Variants in SPOCK3 observed in about 807,000 individuals in gnomAD.
The protein encoded by SPOCK3 is testican-3.
Under a neutral mutation model 56.6 loss-of-function variants are expected in SPOCK3, and 30 were observed. That is an observed-to-expected ratio of 0.53 (90% CI 0.40 to 0.72). SPOCK3 has a LOEUF of 0.72. Ranked by LOEUF, SPOCK3 falls within the 30% of genes least tolerant of loss-of-function variation. The pLI, the probability that SPOCK3 is intolerant of heterozygous loss-of-function variation, is 0.00. For missense variants in SPOCK3, 527 were observed against 530.0 expected (o/e 0.99, Z 0.06); for synonymous variants, 196 against 183.3 (o/e 1.07, Z -0.56).
chr4:166,892,282 G>T (rs1490293494), intron 5 of SPOCK3, among the ~76,000 whole-genome samples: 1 of 151,764 alleles, frequency 6.6e-6, no homozygotes, highest in Non-Finnish European at 1.5e-5. Flanking sequence ...CTTTGCAAAA[G>T]TTACTTTATA....
At chr4:166,912,558 T>A in intron 5 of SPOCK3, 62 bp downstream of exon 5, 1 of 1,482,484 alleles carries the variant, frequency 6.7e-7, no homozygotes, top group Admixed American at 1.7e-5. Flanking sequence ...GCAATGGTTT[T>A]AATCATTTAC....
At chr4:166,930,488 TAAA>T (rs35331837) in intron 4 of SPOCK3, among the ~76,000 whole-genome samples, 3,521 of 148,578 alleles carry the variant, frequency 0.024, 130 homozygotes, top group African/African-American at 0.082. Flanking sequence ...CTACCCTTGT[TAAA>T]AAAAAAAAGA....
chr4:167,208,875 T>TAAA (rs1298204975), intron 2 of SPOCK3, among the ~76,000 whole-genome samples: 7 of 152,252 alleles, frequency 4.6e-5, no homozygotes, highest in African/African-American at 1.7e-4. Context: ...AAGGAAAACA[T>TAAA]TAAAATCCTG....
At chr4:167,020,504 G>C (rs1463088808) in intron 3 of SPOCK3, among the ~76,000 whole-genome samples, 1 of 151,970 alleles carries the variant, frequency 6.6e-6, no homozygotes, top group Non-Finnish European at 1.5e-5. Flanking sequence ...AATGAACTAA[G>C]GCTCTTATGT....
chr4:166,779,375 T>A (rs976291582), intron 7 of SPOCK3, among the ~76,000 whole-genome samples: 1 of 152,096 alleles, frequency 6.6e-6, no homozygotes, highest in East Asian at 1.9e-4. Context: ...CAACTAAGAT[T>A]GTTAAATTCA....
intron 6 of SPOCK3, among the ~76,000 whole-genome samples, chr4:166,808,040 G>T (rs912700295): frequency 1.3e-5 from 2 of 152,088 alleles, no homozygotes; most frequent in South Asian, 4.1e-4. Context: ...TTCCAGAGTA[G>T]ATTTTACCTT....
At position 167,122,027 on chromosome 4, in the gene SPOCK3, C is replaced by T. The variant is rs565514071; in HGVS notation, c.190-59490G>A. On this transcript the variant is annotated intron_variant, in intron 2 of 10. Coordinates refer to ENST00000357545, the MANE Select transcript of SPOCK3 (RefSeq NM_001040159.2). ...TCAAGTTTTTCATTAATAACCTTCC[C>T]TCCCTGCCTCCCTCCCTTCCTTCCT... is the stretch of plus-strand genomic sequence containing the variant. Among the ~76,000 whole-genome samples, 10 of 151,974 alleles carry T rather than the reference C, an allele frequency of 6.6e-5. No homozygotes were observed. The East Asian group carries it at 1.9e-3, about 29-fold the overall frequency.
intron 6 of SPOCK3, among the ~76,000 whole-genome samples, chr4:166,878,512 A>G (rs1421507667): frequency 1.3e-5 from 2 of 150,802 alleles, no homozygotes; most frequent in East Asian, 2.0e-4. Flanking sequence ...TATATTTTAA[A>G]TGTATAAAAT....
At chr4:166,995,528 G>T (rs1392137331) in intron 4 of SPOCK3, among the ~76,000 whole-genome samples, 1 of 148,490 alleles carries the variant, frequency 6.7e-6, no homozygotes, top group Non-Finnish European at 1.5e-5. Context: ...AACAAGATAG[G>T]CATGATTTCA....
intron 2 of SPOCK3, among the ~76,000 whole-genome samples, chr4:167,065,778 C>T (rs1308999546): frequency 2.6e-5 from 4 of 151,846 alleles, no homozygotes; most frequent in African/African-American, 4.8e-5. Context: ...TTCATTCAGG[C>T]GCAATTTCTT....
chr4:166,848,953 C>T (rs1178915123), intron 6 of SPOCK3, among the ~76,000 whole-genome samples: 1 of 152,160 alleles, frequency 6.6e-6, no homozygotes, highest in Non-Finnish European at 1.5e-5. Flanking sequence ...TTACCAACAC[C>T]ATGGGCATCA....
chr4:166,996,148 A>T (rs919362656), intron 4 of SPOCK3, among the ~76,000 whole-genome samples: 2 of 152,108 alleles, frequency 1.3e-5, no homozygotes, highest in African/African-American at 4.8e-5. Flanking sequence ...ATCATTTTCT[A>T]TATAATGCCT....
At chr4:167,234,504 C>G (rs1737531929), upstream of SPOCK3, 1 of 342,116 alleles carries the variant, frequency 2.9e-6, no homozygotes, top group Non-Finnish European at 5.4e-6. Context: ...CAGCCCTGCT[C>G]TGCCAACTCG....
At chr4:166,785,169 CAT>C (rs1740601680) in intron 7 of SPOCK3, among the ~76,000 whole-genome samples, 1 of 152,018 alleles carries the variant, frequency 6.6e-6, no homozygotes, top group Non-Finnish European at 1.5e-5. Context: ...TATCGTAAAA[CAT>C]ATTTTAAGAT....
At chr4:166,937,314 G>T (rs1055852890) in intron 4 of SPOCK3, among the ~76,000 whole-genome samples, 2 of 151,336 alleles carry the variant, frequency 1.3e-5, no homozygotes, top group African/African-American at 2.4e-5. Flanking sequence ...GAGAATCTTA[G>T]AAAATGTAGC....
chr4:167,119,770 C>T (rs1761717562), intron 2 of SPOCK3: 1 of 1,491,230 alleles, frequency 6.7e-7, no homozygotes, highest in Admixed American at 2.0e-5. Flanking sequence ...TTCACGTTAA[C>T]ATATATTTAA....
At chr4:167,115,365 T>C (rs780739729) in intron 2 of SPOCK3, among the ~76,000 whole-genome samples, 3 of 150,484 alleles carry the variant, frequency 2.0e-5, no homozygotes, top group Non-Finnish European at 4.4e-5. Flanking sequence ...GAATATCTGA[T>C]TGAAATATAT....
chr4:166,746,446 G>C (rs528595773), intron 8 of SPOCK3, among the ~76,000 whole-genome samples: 2 of 152,262 alleles, frequency 1.3e-5, no homozygotes, highest in African/African-American at 2.4e-5. Flanking sequence ...TGAGAACAAA[G>C]ACAGAACATA....
intron 2 of SPOCK3, among the ~76,000 whole-genome samples, chr4:167,221,203 A>AT (rs1014091701): frequency 3.5e-5 from 5 of 142,684 alleles, no homozygotes; most frequent in South Asian, 2.1e-4. Context: ...TCTACAAAAA[A>AT]TTAAAAAAAA....
Sources: gnomAD v4.1 joint callset for allele counts (sites outside exome capture counted in the v4.1 genomes callset) on GRCh38, gnomAD v4.1.1 for gene constraint, MANE v1.5 for transcripts, NCBI Gene and HGNC (gene_info 2026-07-23, HGNC 2026-07-21) for gene names.